The following PCDH11X variants were observed in gnomAD, a reference collection of about 807,000 sequenced individuals.
PCDH11X encodes the protein protocadherin 11 X-linked.
A neutral mutation model predicts 53.3 loss-of-function variants in PCDH11X; 18 were observed. That is an observed-to-expected ratio of 0.34 (90% CI 0.23 to 0.50). The LOEUF (loss-of-function observed/expected upper bound fraction) is 0.50. PCDH11X is among the 20% of genes least tolerant of loss of function. PCDH11X has a pLI of 0.98. For synonymous variants in PCDH11X, 279 were observed against 393.3 expected, an observed-to-expected ratio of 0.71 and a Z score of 3.44; for missense variants, 570 against 1,032.4, an observed-to-expected ratio of 0.55 and a Z score of 6.14.
chrX:92,342,282 TCAAACAAA>T (rs955945548), intron 8 of PCDH11X, among the ~76,000 whole-genome samples: 1 of 110,264 alleles, frequency 9.1e-6, no homozygotes, highest in Non-Finnish European at 1.9e-5. Context: ...TCAAGGATTA[TCAAACAAA>T]CAAACAAACA....
chrX:92,216,606 G>A (rs1220950702), intron 7 of PCDH11X, among the ~76,000 whole-genome samples: 1 of 97,474 alleles, frequency 1.0e-5, no homozygotes, highest in African/African-American at 3.7e-5. Flanking sequence ...GGGGAGAATG[G>A]AACCAAGTTG....
chrX:91,999,126 G>A (rs896512289), intron 6 of PCDH11X, among the ~76,000 whole-genome samples: 1 of 109,480 alleles, frequency 9.1e-6, no homozygotes, highest in African/African-American at 3.3e-5. Context: ...TGTTGCCCTG[G>A]CTGGTCTCAA....
intron 7 of PCDH11X, among the ~76,000 whole-genome samples, chrX:92,258,874 C>T (rs762590636): frequency 5.2e-4 from 58 of 112,001 alleles, no homozygotes; most frequent in African/African-American, 1.6e-3. Flanking sequence ...ATCTTGAATG[C>T]TTTGCTGCTT....
intron 6 of PCDH11X, among the ~76,000 whole-genome samples, chrX:92,138,377 C>G (rs1464848018): frequency 6.7e-4 from 74 of 110,356 alleles, no homozygotes; most frequent in African/African-American, 2.4e-3. Flanking sequence ...CAGTTTTACT[C>G]TAGCATCAGA....
chrX:91,797,564 T>A lies in PCDH11X; in HGVS notation c.-378-11902T>A, dbSNP rs777738907. On this transcript the variant is annotated intron_variant, in intron 1 of 10. Coordinates refer to ENST00000682573, the MANE Select transcript of PCDH11X (RefSeq NM_032968.5). Reference sequence around the variant, plus strand: ...TGGAGGGATAAAATGTCTCTCAGCATTAAATAACTAAATAACATTTGTTTG... The same window carrying A: ...TGGAGGGATAAAATGTCTCTCAGCAATAAATAACTAAATAACATTTGTTTG... 8.2e-5 allele frequency among the ~76,000 whole-genome samples: 9 copies of A among 110,188 alleles called. No homozygotes were observed. The South Asian group carries it at 3.5e-3, about 43-fold the overall frequency.
At chrX:92,586,877 C>T (rs938199773) in intron 10 of PCDH11X, among the ~76,000 whole-genome samples, 1 of 110,755 alleles carries the variant, frequency 9.0e-6, no homozygotes, top group Admixed American at 9.7e-5. Context: ...TGCATTTGTA[C>T]CACATTTAAC....
At chrX:92,176,661 C>T (rs982786353) in intron 6 of PCDH11X, among the ~76,000 whole-genome samples, 1 of 112,126 alleles carries the variant, frequency 8.9e-6, no homozygotes, top group Non-Finnish European at 1.9e-5. Flanking sequence ...TACATAAATA[C>T]ATTTCCCAGA....
At chrX:91,966,599 A>T (rs2061867339) in intron 6 of PCDH11X, among the ~76,000 whole-genome samples, 1 of 110,414 alleles carries the variant, frequency 9.1e-6, no homozygotes, top group African/African-American at 3.3e-5. Context: ...TACCTATGTA[A>T]CATACCTGCA....
intron 7 of PCDH11X, among the ~76,000 whole-genome samples, chrX:92,218,363 A>T (rs2066770921): frequency 9.0e-6 from 1 of 111,236 alleles, no homozygotes; most frequent in South Asian, 3.8e-4. Flanking sequence ...GATAAAGGGG[A>T]TATCACCACC....
chrX:92,376,255 G>A (rs1402956996), intron 8 of PCDH11X, among the ~76,000 whole-genome samples: 5 of 111,673 alleles, frequency 4.5e-5, no homozygotes, highest in African/African-American at 1.3e-4. Context: ...AATTTATCCC[G>A]TCTTTTATGA....
At chrX:92,426,578 G>A (rs1388334705) in intron 9 of PCDH11X, among the ~76,000 whole-genome samples, 1 of 106,646 alleles carries the variant, frequency 9.4e-6, no homozygotes, top group Non-Finnish European at 1.9e-5. Flanking sequence ...TAATATAAAG[G>A]CACAATTTTA....
intron 6 of PCDH11X, among the ~76,000 whole-genome samples, chrX:91,976,259 G>A (rs1448934024): frequency 1.8e-5 from 2 of 111,616 alleles, no homozygotes; most frequent in Non-Finnish European, 3.8e-5. Flanking sequence ...CAGCATGGCT[G>A]CTTTGAATTT....
intron 6 of PCDH11X, among the ~76,000 whole-genome samples, chrX:92,089,844 T>C (rs920324970): frequency 9.2e-5 from 10 of 109,217 alleles, no homozygotes; most frequent in Non-Finnish European, 1.5e-4. Flanking sequence ...TTTAAACCTT[T>C]TCTGCTTGTT....
chrX:91,793,527 A>G (rs1282781585), intron 1 of PCDH11X, among the ~76,000 whole-genome samples: 1 of 110,636 alleles, frequency 9.0e-6, no homozygotes, highest in Non-Finnish European at 1.9e-5. Context: ...ATAGTGGACT[A>G]GGAAATAAGG....
chrX:91,919,525 T>C (rs892185677), intron 6 of PCDH11X, among the ~76,000 whole-genome samples: 21 of 111,389 alleles, frequency 1.9e-4, no homozygotes, highest in African/African-American at 5.9e-4. Context: ...TTGCATATTT[T>C]TTTCTTTGTC....
intron 9 of PCDH11X, among the ~76,000 whole-genome samples, chrX:92,404,208 AT>A (rs745750252): frequency 4.6e-4 from 49 of 105,600 alleles, no homozygotes; most frequent in Non-Finnish European, 7.1e-4. Context: ...ATACTTACAT[AT>A]TGTATTTTCT....
chrX:92,449,457 C>T (rs1008225764), intron 9 of PCDH11X, among the ~76,000 whole-genome samples: 1 of 111,527 alleles, frequency 9.0e-6, no homozygotes. Flanking sequence ...CCTATTAATT[C>T]AAAATTTAGT....
At chrX:92,133,973 T>C (rs1336029829) in intron 6 of PCDH11X, among the ~76,000 whole-genome samples, 1 of 111,611 alleles carries the variant, frequency 9.0e-6, no homozygotes, top group African/African-American at 3.3e-5. Flanking sequence ...ATATGTAAGA[T>C]ATACATTGGA....
intron 6 of PCDH11X, among the ~76,000 whole-genome samples, chrX:91,925,913 T>A (rs1321071376): frequency 2.8e-5 from 3 of 108,796 alleles, no homozygotes; most frequent in African/African-American, 1.0e-4. Flanking sequence ...GTTTTCTTTC[T>A]TGGTATAGAA....
Sources: allele counts gnomAD v4.1 joint callset (sites outside exome capture counted in the v4.1 genomes callset), GRCh38; gene constraint gnomAD v4.1.1; transcripts MANE v1.5; gene names NCBI Gene and HGNC (gene_info 2026-07-23, HGNC 2026-07-21).